Variants in CNGB1 observed in about 807,000 individuals in gnomAD.
CNGB1 encodes cyclic nucleotide gated channel subunit beta 1.
A neutral mutation model predicts 151.7 loss-of-function variants in CNGB1; 126 were observed. That is an observed-to-expected ratio of 0.83 (90% CI 0.72 to 0.96). The LOEUF (loss-of-function observed/expected upper bound fraction) is 0.96, where lower values mean the gene tolerates loss of function less well. Ranked by LOEUF, CNGB1 falls within the 40% of genes least tolerant of loss-of-function variation. The pLI is 0.00. For missense variants in CNGB1, 1,698 were observed against 1,627.0 expected, an observed-to-expected ratio of 1.04 and a Z score of -0.75; for synonymous variants, 623 against 635.1, an observed-to-expected ratio of 0.98 and a Z score of 0.29.
In CNGB1 at chr16:57,969,229, C is replaced by T. The variant is rs561387068; in HGVS notation, c.-9+1831G>A. 2.0e-4 allele frequency among the ~76,000 whole-genome samples: 30 copies of T among 152,300 alleles called. No homozygotes were observed. The Middle Eastern group carries it at 0.031, about 155-fold the overall frequency. On this transcript the variant is annotated intron_variant, in intron 1 of 32. Coordinates refer to ENST00000251102, the MANE Select transcript of CNGB1 (RefSeq NM_001297.5). ...GCTGAGGTGGGAGAATCACTTGAACCCGGGAGGCAGAGGTTGCAGTGAGCC... is the reference window on the plus strand; with the variant it reads ...GCTGAGGTGGGAGAATCACTTGAACTCGGGAGGCAGAGGTTGCAGTGAGCC...
chr16:57,913,232 C>A (rs1840971853), intron 23 of CNGB1, among the ~76,000 whole-genome samples: 2 of 152,164 alleles, frequency 1.3e-5, no homozygotes, highest in Non-Finnish European at 2.9e-5. Context: ...ATCTTGTTCT[C>A]ACAATTTGCA....
At chr16:57,951,068 A>C (rs1017511767) in intron 12 of CNGB1, among the ~76,000 whole-genome samples, 1 of 152,148 alleles carries the variant, frequency 6.6e-6, no homozygotes, top group Non-Finnish European at 1.5e-5. Flanking sequence ...CTGGGTCTAG[A>C]GGCTCCGCCC....
intron 13 of CNGB1, 71 bp downstream of exon 13, chr16:57,950,310 G>T: frequency 6.4e-7 from 1 of 1,573,376 alleles, no homozygotes. Context: ...TCATCTTTGA[G>T]ATAAGGTACT....
intron 8 of CNGB1, 87 bp from the exon 9 acceptor site, chr16:57,960,617 A>T: frequency 1.3e-6 from 2 of 1,553,746 alleles, no homozygotes; most frequent in South Asian, 2.3e-5. Flanking sequence ...GTCCTGGCCC[A>T]AGGCGGGTGA....
At chr16:57,948,437 G>A (rs961526901) in intron 14 of CNGB1, among the ~76,000 whole-genome samples, 7 of 151,760 alleles carry the variant, frequency 4.6e-5, no homozygotes, top group Non-Finnish European at 7.4e-5. Flanking sequence ...TTACAGGCGT[G>A]AGCCACCACG....
chr16:57,913,537 G>A (rs1960789153), intron 23 of CNGB1, among the ~76,000 whole-genome samples: 1 of 152,110 alleles, frequency 6.6e-6, no homozygotes, highest in Non-Finnish European at 1.5e-5. Context: ...CTGGAGTGCA[G>A]TGGTACAGTC....
At chr16:57,897,660 C>G (rs1960271306) in intron 30 of CNGB1, 117 bp from the exon 31 acceptor site, 1 of 1,558,050 alleles carries the variant, frequency 6.4e-7, no homozygotes, top group Admixed American at 1.7e-5. Context: ...AGAACCTTCC[C>G]CCGCCCCCAT....
Position 57,920,393 on chromosome 16 carries a change from T to C in CNGB1, c.1795A>G (p.Lys599Glu). 2 of 1,614,128 alleles carry C rather than the reference T, an allele frequency of 1.2e-6. No homozygotes were observed. The highest frequency in any genetic ancestry group is 1.3e-5 in the African/African-American group (1 of 75,050). The change falls in exon 19 of 33, where the codon AAG becomes GAG. Residue 599 changes from lysine (K) to glutamate (E), a missense_variant. Transcript: ENST00000251102. ...CCTCCAGCTCCAGACTCACAGGGCT[T>C]GGGGCTCTCCTCATCAGAGGTGACG... Reference protein sequence around the residue: ...PDVTSDEESPKPSPAKKAPEP... With the variant: ...PDVTSDEESPEPSPAKKAPEP...
intron 31 of CNGB1, among the ~76,000 whole-genome samples, chr16:57,890,036 A>T (rs1414375063): frequency 6.6e-6 from 1 of 152,132 alleles, no homozygotes; most frequent in African/African-American, 2.4e-5. Flanking sequence ...ATAAGGGTAG[A>T]TTTTCCATCA....
At chr16:57,964,256 T>C in intron 3 of CNGB1, 54 bp from the exon 4 acceptor site, 2 of 1,569,810 alleles carry the variant, frequency 1.3e-6, no homozygotes, top group East Asian at 2.2e-5. Context: ...GGCCCATTTC[T>C]ACCCTGCTTG....
At chr16:57,894,407 C>A (rs1255606054) in intron 31 of CNGB1, among the ~76,000 whole-genome samples, 1 of 152,174 alleles carries the variant, frequency 6.6e-6, no homozygotes, top group Non-Finnish European at 1.5e-5. Context: ...TCGAGACAAG[C>A]CTGGCCAACG....
At chr16:57,900,395 C>T (rs1157432027) in intron 29 of CNGB1, among the ~76,000 whole-genome samples, 1 of 152,188 alleles carries the variant, frequency 6.6e-6, no homozygotes, top group African/African-American at 2.4e-5. Flanking sequence ...TCTTGCAGAG[C>T]CTGCTTGGGT....
intron 27 of CNGB1, among the ~76,000 whole-genome samples, chr16:57,902,361 G>A (rs1277081065): frequency 2.6e-5 from 4 of 151,860 alleles, no homozygotes; most frequent in South Asian, 2.1e-4. Context: ...GTGAGCCACC[G>A]CACCCAGCCA....
intron 1 of CNGB1, among the ~76,000 whole-genome samples, chr16:57,968,937 A>G (rs1962466802): frequency 6.6e-6 from 1 of 150,788 alleles, no homozygotes; most frequent in Non-Finnish European, 1.5e-5. Context: ...AGGCTGAGGC[A>G]AGGGGTCGAG....
rs1254485834 is a variant in CNGB1 at position 57,884,328 on chromosome 16, T to G, written c.3592A>C (p.Ser1198Arg). Reference sequence around the variant, plus strand: ...CCAAGGGAGGCAGGCGGTGGAGAGCTCGGTGGAGACCCCGGGGGCTCGGGG... The same window carrying G: ...CCAAGGGAGGCAGGCGGTGGAGAGCGCGGTGGAGACCCCGGGGGCTCGGGG... ...TPPEPPGSPPSSPPPASLGRP... is the reference protein window; with the variant it reads ...TPPEPPGSPPRSPPPASLGRP... The change falls in exon 33 of 33, where the codon AGC becomes CGC. Residue 1198 changes from serine to arginine, a missense_variant. Physicochemically the swap from Ser to Arg is moderately radical, Grantham distance 110. Transcript: ENST00000251102. The G allele has an allele frequency of 6.2e-7, 1 of 1,610,402 alleles. No homozygotes were observed. Among genetic ancestry groups the G allele is most frequent in the African/African-American group, 1.3e-5 (1 of 74,382 alleles).
chr16:57,961,184 A>G (rs1416019651), intron 7 of CNGB1, among the ~76,000 whole-genome samples: 1 of 152,178 alleles, frequency 6.6e-6, no homozygotes, highest in Non-Finnish European at 1.5e-5. Context: ...CCGCTTGAGG[A>G]CCTGAATGCA....
Position 57,884,062 on chromosome 16 carries a change from C to A in CNGB1, c.*102G>T. On this transcript the variant is annotated 3_prime_UTR_variant, in exon 33 of 33. Coordinates refer to ENST00000251102, the MANE Select transcript of CNGB1 (RefSeq NM_001297.5). ...GGTCACGACTACGGAAAAGCATCTT[C>A]TCTTGAGCCGTGGGGGAAGGTGGGG... is the stretch of plus-strand genomic sequence containing the variant. The A allele has an allele frequency of 6.4e-7, 1 of 1,550,474 alleles. No homozygotes were observed. Among genetic ancestry groups the A allele is most frequent in the Non-Finnish European group, 8.9e-7 (1 of 1,123,296 alleles).
chr16:57,947,287 G>A (rs1567390988), intron 14 of CNGB1, among the ~76,000 whole-genome samples: 8 of 152,238 alleles, frequency 5.3e-5, no homozygotes. Flanking sequence ...ATCCAGAGCA[G>A]TGGCAAATAC....
chr16:57,911,141 A>G (rs1960698319), intron 25 of CNGB1, among the ~76,000 whole-genome samples: 1 of 152,114 alleles, frequency 6.6e-6, no homozygotes, highest in Non-Finnish European at 1.5e-5. Flanking sequence ...GCAGGAGTAG[A>G]TGCACAAATA....
Sources: gnomAD v4.1 joint callset for allele counts (sites outside exome capture counted in the v4.1 genomes callset) on GRCh38, gnomAD v4.1.1 for gene constraint, MANE v1.5 for transcripts, NCBI Gene and HGNC (gene_info 2026-07-23, HGNC 2026-07-21) for gene names.